The following TP53INP2 variants were observed in gnomAD, a reference collection of about 807,000 sequenced individuals.
The protein encoded by TP53INP2 is tumor protein p53 inducible nuclear protein 2.
A neutral mutation model predicts 17.1 loss-of-function variants in TP53INP2; 12 were observed. The ratio of observed to expected loss-of-function variants is 0.70; its 90% CI spans 0.45 to 1.14. The LOEUF is 1.14. Ranked by LOEUF, TP53INP2 falls within the 50% of genes most tolerant of loss-of-function variation. TP53INP2 has a pLI of 0.00. For synonymous variants in TP53INP2, 145 were observed against 147.3 expected (o/e 0.98, Z 0.12); for missense variants, 342 against 330.9 (o/e 1.03, Z -0.26).
chr20:34,711,516 A>G lies in TP53INP2; in HGVS notation c.*1209A>G, dbSNP rs1370052809. On this transcript the variant is annotated 3_prime_UTR_variant, in exon 5 of 5. Coordinates refer to ENST00000374810, the MANE Select transcript of TP53INP2 (RefSeq NM_021202.3). The surrounding 1 kb of genome is among the most constrained non-coding windows in gnomAD (Gnocchi z 4.1). The stretch of plus-strand genomic sequence containing the variant: ...GGAGTCCAGGACTCCCACTGTCTCA[A>G]TCTGCAAATTGTTCCTATCCAGGTT... The G allele has an allele frequency of 2.0e-5, 3 of 152,214 alleles. No homozygotes were observed. The highest frequency in any genetic ancestry group is 6.5e-5 in the Admixed American group (1 of 15,288). 9.4% of individuals were successfully genotyped at this position (152,214 alleles called of 1,614,324 possible). A position where few individuals can be genotyped will look rare whatever the true frequency, so the allele number is the denominator to read the frequency against.
rs1008871159 is a variant in TP53INP2, at chr20:34,705,489, G to C, written c.-50+15G>C. Reference sequence around the variant, plus strand: ...ATCACAGAGAGGTGAGTCATTGGCTGCCTCGGGGTGTCTCCAGGGCTGATG... The same window carrying C: ...ATCACAGAGAGGTGAGTCATTGGCTCCCTCGGGGTGTCTCCAGGGCTGATG... On this transcript the variant is annotated intron_variant, in intron 2 of 4. Coordinates refer to ENST00000374810, the MANE Select transcript of TP53INP2 (RefSeq NM_021202.3). 1 of 152,354 alleles carries C rather than the reference G, an allele frequency of 6.6e-6. No individual in the cohort carries two copies. The highest frequency in any genetic ancestry group is 2.4e-5 in the African/African-American group (1 of 41,444). The allele number at this position is 152,354 out of a possible 1,614,324, so 9.4% of individuals were successfully genotyped here.
intron 2 of TP53INP2, among the ~76,000 whole-genome samples, chr20:34,706,887 A>G (rs1056055278): frequency 3.3e-5 from 5 of 152,080 alleles, no homozygotes; most frequent in African/African-American, 1.2e-4. Context: ...CAGCAGCAAA[A>G]CCGTTGAGCA....
Position 34,709,600 on chromosome 20 carries a change from G to A in TP53INP2, c.413+76G>A. ...GGCCAGGGTCCAGGCTAGGAGGCTG[G>A]GGTAGTGGGGCCAGGAGCCCGCCCC... is the stretch of plus-strand genomic sequence containing the variant. On this transcript the variant is annotated intron_variant, in intron 4 of 4. Coordinates refer to ENST00000374810, the MANE Select transcript of TP53INP2 (RefSeq NM_021202.3). The surrounding 1 kb of genome is among the most constrained non-coding windows in gnomAD (Gnocchi z 5.4). The A allele has an allele frequency of 1.3e-6, 2 of 1,484,380 alleles. No individual in the cohort carries two copies. Among genetic ancestry groups the A allele is most frequent in the Non-Finnish European group, 1.8e-6 (2 of 1,125,340 alleles). The allele number at this position is 1,484,380 out of a possible 1,614,324, so 92.0% of individuals were successfully genotyped here.
chr20:34,707,618 A>G (rs1276000512), intron 2 of TP53INP2, among the ~76,000 whole-genome samples: 1 of 152,180 alleles, frequency 6.6e-6, no homozygotes, highest in Non-Finnish European at 1.5e-5. Context: ...TGTGGATTCA[A>G]TCCCACCTTT....
chr20:34,708,790 AGACCCC>A lies in TP53INP2; in HGVS notation c.55_60del (p.Pro19_Asp20del). 1 of 1,611,544 alleles carries A rather than the reference AGACCCC, an allele frequency of 6.2e-7. No homozygotes were observed. The highest frequency in any genetic ancestry group is 8.5e-7 in the Non-Finnish European group (1 of 1,178,970). On this transcript the variant is annotated inframe_deletion, in exon 3 of 5. Transcript: ENST00000374810. Reference sequence around the variant, plus strand: ...TCTTCAGCACCCCCTCGCCCCCCGAAGACCCCGACTGCCCCCGCGCCTTCGTGTCGG... The same window carrying A: ...TCTTCAGCACCCCCTCGCCCCCCGAAGACTGCCCCCGCGCCTTCGTGTCGG...
At position 34,709,422 on chromosome 20, in the gene TP53INP2, C is replaced by G; in HGVS notation, c.311C>G (p.Pro104Arg). 1 of 1,613,908 alleles carries G rather than the reference C, an allele frequency of 6.2e-7. No homozygotes were observed. Among genetic ancestry groups the G allele is most frequent in the East Asian group, 2.2e-5 (1 of 44,860 alleles). ...SPLEDLLIEH[P>R]SMSVYVTGST... ...CTGGAGGACCTCCTCATCGAGCACC[C>G]CAGCATGTCCGTTTACGTCACCGGC... Residue 104 changes from proline to arginine, a missense_variant, in exon 4 of 5, where the codon CCC becomes CGC. Transcript: ENST00000374810. This position sits in a 1 kb window ranked among gnomAD's most constrained non-coding sequence, Gnocchi z 5.4.
At position 34,709,003 on chromosome 20, in the gene TP53INP2, G is replaced by T; in HGVS notation, c.124+140G>T. Reference sequence around the variant, plus strand: ...GTGGGGTCACGGGGCCCCTTCCCATGAAAGCCGGGGCTCTCTCCTGGCGGC... The same window carrying T: ...GTGGGGTCACGGGGCCCCTTCCCATTAAAGCCGGGGCTCTCTCCTGGCGGC... On this transcript the variant is annotated intron_variant, in intron 3 of 4. Coordinates refer to ENST00000374810, the MANE Select transcript of TP53INP2 (RefSeq NM_021202.3). The surrounding 1 kb of genome is among the most constrained non-coding windows in gnomAD (Gnocchi z 5.4). 2 of 1,421,376 alleles carry T rather than the reference G, an allele frequency of 1.4e-6. No homozygotes were observed. Among genetic ancestry groups the T allele is most frequent in the Non-Finnish European group, 1.9e-6 (2 of 1,075,684 alleles). The allele number at this position is 1,421,376 out of a possible 1,614,324, so 88.0% of individuals were successfully genotyped here. A position where few individuals can be genotyped will look rare whatever the true frequency, so the allele number is the denominator to read the frequency against.
rs565212105 is a variant in TP53INP2 at position 34,712,923 on chromosome 20, G to A, written c.*2616G>A. ...AGTCTGAGTGGTTCCTTCAAGCTGG[G>A]TGTCTTTCCAGCCTTTGCCAGTCTA... On this transcript the variant is annotated 3_prime_UTR_variant, in exon 5 of 5. Transcript: ENST00000374810. 6.6e-6 allele frequency: 1 copy of A among 152,614 alleles called. No individual in the cohort carries two copies. Among genetic ancestry groups the A allele is most frequent in the East Asian group, 2.0e-4 (1 of 5,066 alleles). 9.5% of individuals were successfully genotyped at this position (152,614 alleles called of 1,614,324 possible).
chr20:34,707,971 G>A (rs150707564), intron 2 of TP53INP2, among the ~76,000 whole-genome samples: 4 of 152,280 alleles, frequency 2.6e-5, no homozygotes, highest in African/African-American at 9.6e-5. Flanking sequence ...ACGTTGGCCA[G>A]GCTGGTCTTG....
intron 1 of TP53INP2, 21 bp from the exon 2 acceptor site, chr20:34,705,337 T>G (rs1208064285): frequency 6.6e-6 from 1 of 152,272 alleles, no homozygotes; most frequent in Non-Finnish European, 1.5e-5. Flanking sequence ...TAGGTGTCCT[T>G]ACTCCTGGAC....
chr20:34,708,653 T>G (rs1346541845), intron 2 of TP53INP2, 38 bp from the exon 3 acceptor site: 20 of 1,308,488 alleles, frequency 1.5e-5, no homozygotes, highest in Non-Finnish European at 2.0e-5. Context: ...GGGGTGAACC[T>G]CAATCAGTGG....
In TP53INP2 at chr20:34,710,209, G is replaced by A; in HGVS notation, c.565G>A (p.Val189Met). The A allele has an allele frequency of 1.4e-6, 2 of 1,479,250 alleles. No individual in the cohort carries two copies. Among genetic ancestry groups the A allele is most frequent in the Non-Finnish European group, 1.8e-6 (2 of 1,105,802 alleles). The allele number at this position is 1,479,250 out of a possible 1,614,324, so 91.6% of individuals were successfully genotyped here. A position where few individuals can be genotyped will look rare whatever the true frequency, so the allele number is the denominator to read the frequency against. ...AERHALSAKA[V>M]QRQNRARESR... ...GCGCCACGCGCTGAGCGCCAAGGCG[G>A]TGCAGCGGCAGAACCGAGCCCGCGA... The change falls in exon 5 of 5, where the codon GTG becomes ATG. Residue 189 changes from valine to methionine, a missense_variant. Val to Met is a conservative substitution (Grantham distance 21). Transcript: ENST00000374810. The surrounding 1 kb of genome is among the most constrained non-coding windows in gnomAD (Gnocchi z 4.9).
chr20:34,709,937 T>C lies in TP53INP2; in HGVS notation c.414-121T>C. 1.7e-6 allele frequency: 2 copies of C among 1,196,496 alleles called. No homozygotes were observed. The highest frequency in any genetic ancestry group is 2.4e-5 in the South Asian group (1 of 42,180). The allele number at this position is 1,196,496 out of a possible 1,614,324, so 74.1% of individuals were successfully genotyped here. The stretch of plus-strand genomic sequence containing the variant: ...CGGGTTGGTACCCACAAGAAGGGCG[T>C]CGGGCACCCCAATCTGAACAGACAC... On this transcript the variant is annotated intron_variant, in intron 4 of 4. Coordinates refer to ENST00000374810, the MANE Select transcript of TP53INP2 (RefSeq NM_021202.3). This position sits in a 1 kb window ranked among gnomAD's most constrained non-coding sequence, Gnocchi z 5.4.
rs1600696063 is a variant in TP53INP2 at position 34,710,262 on chromosome 20, G to T, written c.618G>T (p.Gln206His). ...GCCGTCCGCGCCGGTCCAAGAACCA[G>T]AGCAGCTTCATCTACCAGCCGTGCC... ...RESRPRRSKN[Q>H]SSFIYQPCQR... Residue 206 changes from glutamine (Q) to histidine (H), a missense_variant, in exon 5 of 5, where the codon CAG becomes CAT. Coordinates refer to ENST00000374810, the MANE Select transcript of TP53INP2 (RefSeq NM_021202.3). This position sits in a 1 kb window ranked among gnomAD's most constrained non-coding sequence, Gnocchi z 4.9. 6.8e-7 allele frequency: 1 copy of T among 1,461,976 alleles called. No homozygotes were observed. Among genetic ancestry groups the T allele is most frequent in the South Asian group, 1.4e-5 (1 of 71,826 alleles). 90.6% of individuals were successfully genotyped at this position (1,461,976 alleles called of 1,614,324 possible). A position where few individuals can be genotyped will look rare whatever the true frequency, so the allele number is the denominator to read the frequency against.
At chr20:34,708,261 A>G (rs1186246822) in intron 2 of TP53INP2, among the ~76,000 whole-genome samples, 1 of 152,182 alleles carries the variant, frequency 6.6e-6, no homozygotes. Flanking sequence ...AGTGCTTACC[A>G]TATGCCCAGA....
Position 34,709,127 on chromosome 20 carries a change from A to G in TP53INP2, c.125-109A>G, listed in dbSNP as rs1476217075. 7 of 1,450,390 alleles carry G rather than the reference A, an allele frequency of 4.8e-6. No homozygotes were observed. In the East Asian group the frequency reaches 1.5e-4, roughly 31 times the overall value. 89.8% of individuals were successfully genotyped at this position (1,450,390 alleles called of 1,614,324 possible). A position where few individuals can be genotyped will look rare whatever the true frequency, so the allele number is the denominator to read the frequency against. ...CTGCGGACGGGCTGCGGGTCTGACTAACGATGCCCTTTCTCTCCCCGCCCC... is the reference window on the plus strand; with the variant it reads ...CTGCGGACGGGCTGCGGGTCTGACTGACGATGCCCTTTCTCTCCCCGCCCC... On this transcript the variant is annotated intron_variant, in intron 3 of 4. Transcript: ENST00000374810. This position sits in a 1 kb window ranked among gnomAD's most constrained non-coding sequence, Gnocchi z 5.4.
At chr20:34,708,980 G>T in intron 3 of TP53INP2, 117 bp downstream of exon 3, 1 of 1,465,926 alleles carries the variant, frequency 6.8e-7, no homozygotes. Context: ...TACTGGAGGT[G>T]GGGTCACGGG....
At position 34,711,303 on chromosome 20, in the gene TP53INP2, G is replaced by T. The variant is rs1489634565; in HGVS notation, c.*996G>T. ...GCCCAAGGTGCTAGAACTAGCTTAG[G>T]AGACATGCAGGCCACAGGGCTTCTA... On this transcript the variant is annotated 3_prime_UTR_variant, in exon 5 of 5. Transcript: ENST00000374810. The surrounding 1 kb of genome is among the most constrained non-coding windows in gnomAD (Gnocchi z 4.1). 3 of 153,000 alleles carry T rather than the reference G, an allele frequency of 2.0e-5. No homozygotes were observed. Among genetic ancestry groups the T allele is most frequent in the African/African-American group, 7.2e-5 (3 of 41,466 alleles). 9.5% of individuals were successfully genotyped at this position (153,000 alleles called of 1,614,324 possible).
Position 34,709,540 on chromosome 20 carries a change from G to T in TP53INP2, c.413+16G>T, listed in dbSNP as rs1418732919. ...TCAGCGAAGGGTGAGCGGGCCGGGG[G>T]CGGAGCCTGGAGGCCCAGGGAGACG... On this transcript the variant is annotated intron_variant, in intron 4 of 4. Transcript: ENST00000374810. The surrounding 1 kb of genome is among the most constrained non-coding windows in gnomAD (Gnocchi z 5.4). 2.5e-6 allele frequency: 4 copies of T among 1,597,894 alleles called. No individual in the cohort carries two copies. In the African/African-American group the frequency reaches 5.4e-5, roughly 21 times the overall value.
Sources: allele counts gnomAD v4.1 joint callset (sites outside exome capture counted in the v4.1 genomes callset), GRCh38; gene constraint gnomAD v4.1.1; non-coding constraint Gnocchi (gnomAD v3.1); transcripts MANE v1.5; gene names NCBI Gene and HGNC (gene_info 2026-07-23, HGNC 2026-07-21).